SPATA17: variants seen among roughly 807,000 people sequenced by gnomAD.
SPATA17 encodes spermatogenesis-associated protein 17.
SPATA17 carries 53 observed loss-of-function variants against 62.2 expected under a neutral mutation model. The ratio of observed to expected loss-of-function variants is 0.85; its 90% confidence interval spans 0.68 to 1.07. The LOEUF (loss-of-function observed/expected upper bound fraction) is 1.07, where lower values mean the gene tolerates loss of function less well. Ranked by LOEUF, SPATA17 falls within the 50% of genes least tolerant of loss-of-function variation. The pLI is 0.00. For synonymous variants in SPATA17, 146 were observed against 146.8 expected (o/e 0.99, Z 0.04); for missense variants, 466 against 425.5 (o/e 1.10, Z -0.84).
chr1:217,732,128 T>C (rs962085042), intron 5 of SPATA17, among the ~76,000 whole-genome samples: 10 of 137,894 alleles, frequency 7.3e-5, no homozygotes, highest in Non-Finnish European at 1.5e-4. Context: ...TATTTTGTAA[T>C]AGTTTCTTAT....
intron 9 of SPATA17, among the ~76,000 whole-genome samples, chr1:217,820,909 G>A (rs1158268781): frequency 6.6e-6 from 1 of 152,066 alleles, no homozygotes; most frequent in Admixed American, 6.6e-5. Context: ...GAAGCATGCT[G>A]CTGGCATCTG....
At chr1:217,653,957 C>T in intron 3 of SPATA17, among the ~76,000 whole-genome samples, 1 of 151,986 alleles carries the variant, frequency 6.6e-6, no homozygotes, top group East Asian at 1.9e-4. Flanking sequence ...GTCCATTTGT[C>T]TCACAGGTAT....
At chr1:217,805,985 C>T (rs1348712768) in intron 9 of SPATA17, among the ~76,000 whole-genome samples, 1 of 152,082 alleles carries the variant, frequency 6.6e-6, no homozygotes. Context: ...GAGAAACTTG[C>T]CTCATCCTGA....
At chr1:217,864,494 T>A (rs745393943) in intron 10 of SPATA17, among the ~76,000 whole-genome samples, 7 of 152,122 alleles carry the variant, frequency 4.6e-5, no homozygotes, top group Admixed American at 1.3e-4. Flanking sequence ...CATATGTATG[T>A]GTGTATACAT....
chr1:217,814,480 C>A (rs966711794), intron 9 of SPATA17, among the ~76,000 whole-genome samples: 7 of 152,092 alleles, frequency 4.6e-5, no homozygotes, highest in Non-Finnish European at 1.0e-4. Context: ...AATAGTTTGC[C>A]TATGAAATTT....
intron 3 of SPATA17, among the ~76,000 whole-genome samples, chr1:217,658,285 T>C (rs1458030235): frequency 2.0e-5 from 3 of 152,148 alleles, no homozygotes; most frequent in Non-Finnish European, 2.9e-5. Context: ...TTAATTCATA[T>C]GAGAGCTGAT....
At chr1:217,783,789 TAGTA>T (rs1178095686) in intron 8 of SPATA17, among the ~76,000 whole-genome samples, 1 of 152,144 alleles carries the variant, frequency 6.6e-6, no homozygotes, top group Non-Finnish European at 1.5e-5. Context: ...CTATTTTCCT[TAGTA>T]AGCCTAGAAA....
chr1:217,737,698 C>T (rs1672540739), intron 5 of SPATA17: 1 of 152,364 alleles, frequency 6.6e-6, no homozygotes, highest in Non-Finnish European at 1.5e-5. Flanking sequence ...GACAGCACTC[C>T]TGGCAGCTGG....
chr1:217,721,237 G>A (rs1034927349), intron 5 of SPATA17, among the ~76,000 whole-genome samples: 1 of 152,110 alleles, frequency 6.6e-6, no homozygotes, highest in Admixed American at 6.5e-5. Context: ...TTTTAAATAA[G>A]TGGATCTTTT....
chr1:217,839,960 A>T (rs1443737390), intron 9 of SPATA17, among the ~76,000 whole-genome samples: 1 of 152,156 alleles, frequency 6.6e-6, no homozygotes, highest in African/African-American at 2.4e-5. Flanking sequence ...CTCTGCAATA[A>T]ACCTGAAGTG....
chr1:217,779,144 TTGTGTG>T (rs55714817), intron 7 of SPATA17, among the ~76,000 whole-genome samples: 66,180 of 148,408 alleles, frequency 0.45, 15,672 homozygotes, highest in Non-Finnish European at 0.54. Context: ...GTAAAACAAC[TTGTGTG>T]TGTGTGTGTG....
intron 9 of SPATA17, among the ~76,000 whole-genome samples, chr1:217,848,184 A>G (rs77311912): frequency 0.03 from 4,503 of 151,264 alleles, 143 homozygotes; most frequent in African/African-American, 0.076. Flanking sequence ...ATAAAGAAAA[A>G]TATGTTCAAA....
chr1:217,682,531 C>T (rs890898475), intron 4 of SPATA17, among the ~76,000 whole-genome samples: 7 of 152,054 alleles, frequency 4.6e-5, no homozygotes, highest in African/African-American at 1.2e-4. Flanking sequence ...GCAATGGTTA[C>T]GAGAGTGGGC....
At chr1:217,716,339 A>G (rs1677795260) in intron 5 of SPATA17, among the ~76,000 whole-genome samples, 1 of 152,200 alleles carries the variant, frequency 6.6e-6, no homozygotes, top group African/African-American at 2.4e-5. Flanking sequence ...CAGCACCTAA[A>G]AATCAAAGCA....
chr1:217,801,176 G>A (rs1356914287), intron 8 of SPATA17, among the ~76,000 whole-genome samples: 2 of 152,052 alleles, frequency 1.3e-5, no homozygotes, highest in African/African-American at 2.4e-5. Flanking sequence ...GCTCATTCAG[G>A]TAACTTGCAT....
At chr1:217,642,144 A>T (rs1468837018) in intron 1 of SPATA17, among the ~76,000 whole-genome samples, 1 of 152,134 alleles carries the variant, frequency 6.6e-6, no homozygotes, top group Non-Finnish European at 1.5e-5. Context: ...CCTGATTTTG[A>T]CTTGTCCCAT....
At chr1:217,857,138 A>C (rs556444992) in intron 9 of SPATA17, among the ~76,000 whole-genome samples, 8 of 152,258 alleles carry the variant, frequency 5.3e-5, no homozygotes, top group African/African-American at 1.9e-4. Context: ...TCTAATCTCA[A>C]AAGTTTTGTC....
chr1:217,834,810 G>A (rs547715933), intron 9 of SPATA17, among the ~76,000 whole-genome samples: 2 of 152,122 alleles, frequency 1.3e-5, no homozygotes, highest in Non-Finnish European at 2.9e-5. Flanking sequence ...CTACGTTAAC[G>A]TCCTAGGCCT....
intron 1 of SPATA17, among the ~76,000 whole-genome samples, chr1:217,642,098 T>C (rs1670078701): frequency 1.3e-5 from 2 of 152,224 alleles, no homozygotes; most frequent in South Asian, 4.1e-4. Context: ...ACAGAAGTGA[T>C]ACTGTGATCT....
Sources: gnomAD v4.1 joint callset for allele counts (sites outside exome capture counted in the v4.1 genomes callset) on GRCh38, gnomAD v4.1.1 for gene constraint, MANE v1.5 for transcripts, NCBI Gene and HGNC (gene_info 2026-07-23, HGNC 2026-07-21) for gene names.